SYT1: variants seen among roughly 807,000 people sequenced by gnomAD.
SYT1 encodes the protein synaptotagmin-1.
In SYT1, 8 loss-of-function variants were observed where a neutral mutation model predicts 44.8. The observed-to-expected ratio is 0.18, with a 90% confidence interval of 0.10 to 0.32. The LOEUF is 0.32. Ranked by LOEUF, SYT1 falls within the 10% of genes least tolerant of loss-of-function variation. The pLI is 1.00. For missense variants in SYT1, 286 were observed against 509.3 expected, an observed-to-expected ratio of 0.56 and a Z score of 4.22; for synonymous variants, 154 against 188.8, an observed-to-expected ratio of 0.82 and a Z score of 1.51.
intron 5 of SYT1, among the ~76,000 whole-genome samples, chr12:79,286,495 G>A (rs887687271): frequency 6.6e-6 from 1 of 152,136 alleles, no homozygotes; most frequent in African/African-American, 2.4e-5. Flanking sequence ...AGAGAAATAT[G>A]AGCCAGTTCT....
intron 1 of SYT1, among the ~76,000 whole-genome samples, chr12:78,867,480 T>C (rs752591287): frequency 6.6e-6 from 1 of 152,188 alleles, no homozygotes; most frequent in Non-Finnish European, 1.5e-5. Flanking sequence ...TGATATATTA[T>C]AGGAAATTCT....
chr12:78,931,556 G>A (rs1377554709), intron 1 of SYT1, among the ~76,000 whole-genome samples: 1 of 152,194 alleles, frequency 6.6e-6, no homozygotes, highest in Non-Finnish European at 1.5e-5. Flanking sequence ...TTCGCATCTT[G>A]AGAACTGAAA....
chr12:79,309,387 C>CTT (rs771984309), intron 8 of SYT1, among the ~76,000 whole-genome samples: 1 of 142,744 alleles, frequency 7.0e-6, no homozygotes, highest in Non-Finnish European at 1.5e-5. Context: ...CTTTATGTTT[C>CTT]TTTTTTTTTT....
intron 1 of SYT1, among the ~76,000 whole-genome samples, chr12:78,965,619 G>T (rs1879727293): frequency 6.6e-6 from 1 of 152,080 alleles, no homozygotes; most frequent in Non-Finnish European, 1.5e-5. Flanking sequence ...TCACAGGTGA[G>T]AAACAGGAGG....
At chr12:78,986,086 G>A (rs1002257349) in intron 2 of SYT1, among the ~76,000 whole-genome samples, 2 of 151,972 alleles carry the variant, frequency 1.3e-5, no homozygotes, top group African/African-American at 4.8e-5. Context: ...ACACAGGCCA[G>A]TATTTCCCCA....
chr12:79,067,314 C>G (rs533534359), intron 3 of SYT1, among the ~76,000 whole-genome samples: 1 of 152,120 alleles, frequency 6.6e-6, no homozygotes, highest in South Asian at 2.1e-4. Flanking sequence ...TTAACTCCTA[C>G]AGTTGACTTT....
At chr12:79,371,878 T>A (rs1385451681) in intron 9 of SYT1, among the ~76,000 whole-genome samples, 1 of 152,240 alleles carries the variant, frequency 6.6e-6, no homozygotes. Context: ...AGAGCCAGTT[T>A]AAGTATTTGC....
chr12:78,913,344 GAGA>G (rs1435803556), intron 1 of SYT1, among the ~76,000 whole-genome samples: 5 of 151,088 alleles, frequency 3.3e-5, no homozygotes, highest in African/African-American at 9.7e-5. Flanking sequence ...TTGTGTATTT[GAGA>G]AGATCCATAA....
intron 1 of SYT1, among the ~76,000 whole-genome samples, chr12:78,944,058 G>T (rs1354875279): frequency 6.6e-6 from 1 of 151,762 alleles, no homozygotes; most frequent in East Asian, 1.9e-4. Context: ...ATACCTTTTG[G>T]TTGTATATAT....
At chr12:79,308,563 GGAAAAGAAA>G (rs1243619359) in intron 8 of SYT1, among the ~76,000 whole-genome samples, 3 of 132,636 alleles carry the variant, frequency 2.3e-5, no homozygotes, top group Admixed American at 7.9e-5. Context: ...AAGAAAGAAA[GGAAAAGAAA>G]GAAAAGAAGG....
At chr12:78,963,252 A>G (rs2137350780) in intron 1 of SYT1, among the ~76,000 whole-genome samples, 1 of 152,282 alleles carries the variant, frequency 6.6e-6, no homozygotes, top group South Asian at 2.1e-4. Flanking sequence ...ACATCATGAC[A>G]TTGGTTTTTG....
At chr12:78,935,033 T>A (rs1877977368) in intron 1 of SYT1, among the ~76,000 whole-genome samples, 1 of 152,318 alleles carries the variant, frequency 6.6e-6, no homozygotes, top group Non-Finnish European at 1.5e-5. Flanking sequence ...TCATTTCCAA[T>A]GAATGAAATG....
chr12:79,130,305 T>C (rs534538180), intron 3 of SYT1, among the ~76,000 whole-genome samples: 36 of 152,314 alleles, frequency 2.4e-4, no homozygotes, highest in African/African-American at 8.4e-4. Context: ...TCCAGGCTTT[T>C]CTATGAGCAA....
At chr12:78,993,898 T>G (rs1471624099) in intron 2 of SYT1, among the ~76,000 whole-genome samples, 1 of 152,224 alleles carries the variant, frequency 6.6e-6, no homozygotes, top group Non-Finnish European at 1.5e-5. Context: ...AAGTTTCTGC[T>G]ATGTTCAGAG....
At position 79,431,513 on chromosome 12, in the gene SYT1, A is replaced by ATTATTTATTTAT. The variant is rs35004307; in HGVS notation, c.929-12530_929-12519dup. On this transcript the variant is annotated intron_variant, in intron 9 of 10. Coordinates refer to ENST00000261205, the MANE Select transcript of SYT1 (RefSeq NM_005639.3). ...GCCATAGTTTATTTTATTTTATTTTATTATTTATTTATTTATTTATTTATT... is the reference window on the plus strand; with the variant it reads ...GCCATAGTTTATTTTATTTTATTTTATTATTTATTTATTTATTTATTTATTTATTTATTTATT... Among the ~76,000 whole-genome samples the ATTATTTATTTAT allele has an allele frequency of 3.3e-3, 468 of 142,710 alleles. 4 individuals are homozygous for ATTATTTATTTAT. The highest frequency in any genetic ancestry group is 9.7e-3 in the African/African-American group (365 of 37,466). 93.6% of individuals were successfully genotyped at this position (142,710 alleles called of 152,430 possible).
chr12:78,954,319 A>G (rs1243350032), intron 1 of SYT1, among the ~76,000 whole-genome samples: 1 of 152,106 alleles, frequency 6.6e-6, no homozygotes. Context: ...TAACTCAAAC[A>G]TTATCATCTA....
chr12:79,254,520 C>T (rs1408654918), intron 4 of SYT1, among the ~76,000 whole-genome samples: 1 of 152,220 alleles, frequency 6.6e-6, no homozygotes, highest in African/African-American at 2.4e-5. Flanking sequence ...GTTAACACAA[C>T]ATCCTTTCTG....
At position 79,217,377 on chromosome 12, in the gene SYT1, A is replaced by G. The variant is rs186200203; in HGVS notation, c.-17-126A>G. On this transcript the variant is annotated intron_variant, in intron 3 of 10. Coordinates refer to ENST00000261205, the MANE Select transcript of SYT1 (RefSeq NM_005639.3). ...ATTTACCAACACAAAGCAATATGCT[A>G]ATGATGGACTATTTACCCAGTGAGC... 14 of 726,376 alleles carry G rather than the reference A, an allele frequency of 1.9e-5. No homozygotes were observed. In the African/African-American group the frequency reaches 2.6e-4, roughly 13 times the overall value. 45.0% of individuals were successfully genotyped at this position (726,376 alleles called of 1,614,324 possible). A position where few individuals can be genotyped will look rare whatever the true frequency, so the allele number is the denominator to read the frequency against.
At chr12:78,959,822 T>C (rs931910484) in intron 1 of SYT1, among the ~76,000 whole-genome samples, 1 of 152,166 alleles carries the variant, frequency 6.6e-6, no homozygotes, top group Non-Finnish European at 1.5e-5. Flanking sequence ...TGTTTTTATG[T>C]CTTTGGAGCT....
Sources: allele counts gnomAD v4.1 joint callset (sites outside exome capture counted in the v4.1 genomes callset), GRCh38; gene constraint gnomAD v4.1.1; transcripts MANE v1.5; gene names NCBI Gene and HGNC (gene_info 2026-07-23, HGNC 2026-07-21).